The following LYZL4 variants were observed in gnomAD, a reference collection of about 807,000 sequenced individuals.
The protein encoded by LYZL4 is lysozyme-like protein 4.
A neutral mutation model predicts 17.6 loss-of-function variants in LYZL4; 13 were observed. The ratio of observed to expected loss-of-function variants is 0.74; its 90% CI spans 0.48 to 1.18. LYZL4 has a LOEUF of 1.18. Ranked by LOEUF, LYZL4 falls within the 50% of genes most tolerant of loss-of-function variation. LYZL4 has a pLI of 0.00. For missense variants in LYZL4, 174 were observed against 188.2 expected (o/e 0.92, Z 0.44); for synonymous variants, 64 against 67.7 (o/e 0.95, Z 0.27).
chr3:42,403,618 G>A (rs1698698862), intron 4 of LYZL4, among the ~76,000 whole-genome samples: 1 of 151,968 alleles, frequency 6.6e-6, no homozygotes, highest in Admixed American at 6.6e-5. Context: ...GATTGGTGAA[G>A]GTGCAGTAAA....
the LYZL4 span, among the ~76,000 whole-genome samples, chr3:42,376,701 T>C: frequency 2.0e-5 from 3 of 152,178 alleles, no homozygotes; most frequent in Non-Finnish European, 4.4e-5. Context: ...TATGTGGCTG[T>C]GGGCACTTCC....
chr3:42,364,823 C>T, the LYZL4 span, among the ~76,000 whole-genome samples: 48 of 152,252 alleles, frequency 3.2e-4, no homozygotes, highest in Non-Finnish European at 4.3e-4. Flanking sequence ...GTAACTGGTA[C>T]CTTTAGCATA....
At chr3:42,393,564 A>C (rs13319327), downstream of LYZL4, among the ~76,000 whole-genome samples, 4,371 of 152,258 alleles carry the variant, frequency 0.029, 198 homozygotes, top group African/African-American at 0.097. Flanking sequence ...TCAAGGAATT[A>C]ACTGGCTCAA....
intron 4 of LYZL4, among the ~76,000 whole-genome samples, chr3:42,403,190 T>C (rs1352898473): frequency 6.6e-6 from 1 of 150,454 alleles, no homozygotes; most frequent in Non-Finnish European, 1.5e-5. Flanking sequence ...TAGTAATATA[T>C]AACAAACATG....
At chr3:42,404,724 AT>A (rs1698719120) in intron 3 of LYZL4, among the ~76,000 whole-genome samples, 2 of 152,204 alleles carry the variant, frequency 1.3e-5, no homozygotes, top group Admixed American at 1.3e-4. Context: ...GTTTATAGAT[AT>A]CTATCAATCT....
chr3:42,408,517 T>C (rs977928664), intron 1 of LYZL4, among the ~76,000 whole-genome samples: 1 of 152,180 alleles, frequency 6.6e-6, no homozygotes, highest in African/African-American at 2.4e-5. Flanking sequence ...CCATAAAAGT[T>C]CCATTTTCCC....
At chr3:42,380,694 A>G in the LYZL4 span, among the ~76,000 whole-genome samples, 1 of 152,302 alleles carries the variant, frequency 6.6e-6, no homozygotes, top group South Asian at 2.1e-4. Flanking sequence ...ACTGATCTAA[A>G]AGAACAGACA....
the LYZL4 span, among the ~76,000 whole-genome samples, chr3:42,371,829 T>A: frequency 6.6e-6 from 1 of 152,306 alleles, no homozygotes; most frequent in East Asian, 1.9e-4. Context: ...TTGTCAGTTC[T>A]CTATTCCTTA....
chr3:42,396,011 G>A (rs879302504), downstream of LYZL4, among the ~76,000 whole-genome samples: 18 of 152,066 alleles, frequency 1.2e-4, no homozygotes, highest in African/African-American at 2.2e-4. Flanking sequence ...GCAGTGAGCC[G>A]AGATCGCGCC....
At chr3:42,374,084 C>T in the LYZL4 span, among the ~76,000 whole-genome samples, 1 of 152,100 alleles carries the variant, frequency 6.6e-6, no homozygotes, top group African/African-American at 2.4e-5. Context: ...TAATAGTTAT[C>T]ATTATTATCA....
the LYZL4 span, among the ~76,000 whole-genome samples, chr3:42,366,197 T>C: frequency 1.4e-3 from 220 of 152,216 alleles, no homozygotes; most frequent in African/African-American, 5.2e-3. Flanking sequence ...CTGGGGCTTG[T>C]CTCAGGACCT....
At chr3:42,365,517 C>G in the LYZL4 span, among the ~76,000 whole-genome samples, 1 of 152,182 alleles carries the variant, frequency 6.6e-6, no homozygotes, top group Non-Finnish European at 1.5e-5. Flanking sequence ...GAGGCACATC[C>G]TTTTCTTGGT....
chr3:42,377,910 G>C, the LYZL4 span, among the ~76,000 whole-genome samples: 1 of 152,124 alleles, frequency 6.6e-6, no homozygotes, highest in Non-Finnish European at 1.5e-5. Flanking sequence ...CTGCCTTTCT[G>C]GTGCACTGAC....
chr3:42,361,818 A>G, the LYZL4 span, among the ~76,000 whole-genome samples: 1 of 152,204 alleles, frequency 6.6e-6, no homozygotes, highest in African/African-American at 2.4e-5. Flanking sequence ...GATTTCTCCT[A>G]TACCCTTTGC....
intron 4 of LYZL4, 21 bp downstream of exon 4, chr3:42,404,025 A>G: frequency 6.5e-7 from 1 of 1,534,946 alleles, no homozygotes; most frequent in Non-Finnish European, 9.0e-7. Context: ...AATACAGGCT[A>G]CATAAAAATG....
chr3:42,386,619 GT>G, the LYZL4 span, among the ~76,000 whole-genome samples: 1 of 151,884 alleles, frequency 6.6e-6, no homozygotes, highest in Non-Finnish European at 1.5e-5. Flanking sequence ...GATGAAGTTG[GT>G]TTTCAGAAGT....
At chr3:42,394,962 G>A (rs1021017676), downstream of LYZL4, among the ~76,000 whole-genome samples, 4 of 152,212 alleles carry the variant, frequency 2.6e-5, no homozygotes, top group African/African-American at 9.7e-5. Flanking sequence ...CGGAAGCAAT[G>A]TGGGGTTCCC....
At chr3:42,372,864 C>T in the LYZL4 span, among the ~76,000 whole-genome samples, 3 of 152,148 alleles carry the variant, frequency 2.0e-5, no homozygotes, top group Non-Finnish European at 4.4e-5. Context: ...GGGTCCAAAG[C>T]TCATCAGGAG....
intron 4 of LYZL4, among the ~76,000 whole-genome samples, chr3:42,397,922 A>C (rs114196232): frequency 2.0e-5 from 3 of 152,168 alleles, no homozygotes; most frequent in African/African-American, 7.2e-5. Flanking sequence ...CCATGCCAGC[A>C]CCCAGACTTC....
Sources: gnomAD v4.1 joint callset for allele counts (sites outside exome capture counted in the v4.1 genomes callset) on GRCh38, gnomAD v4.1.1 for gene constraint, MANE v1.5 for transcripts, NCBI Gene and HGNC (gene_info 2026-07-23, HGNC 2026-07-21) for gene names.